PRKAR1B: variants seen among roughly 807,000 people sequenced by gnomAD.
PRKAR1B encodes cAMP-dependent protein kinase type I-beta regulatory subunit.
Under a neutral mutation model 46.5 loss-of-function variants are expected in PRKAR1B, and 22 were observed. The observed-to-expected ratio is 0.47, with a 90% CI of 0.34 to 0.68. The LOEUF (loss-of-function observed/expected upper bound fraction) is 0.68, where lower values mean the gene tolerates loss of function less well. PRKAR1B is among the 30% of genes least tolerant of loss of function. The pLI is 0.01. For synonymous variants in PRKAR1B, 259 were observed against 217.7 expected (o/e 1.19, Z -1.67); for missense variants, 445 against 535.6 (o/e 0.83, Z 1.67).
In PRKAR1B at chr7:572,908, G is replaced by A. The variant is rs914591772; in HGVS notation, c.891+6348C>T. 3.9e-5 allele frequency among the ~76,000 whole-genome samples: 6 copies of A among 152,242 alleles called. No individual in the cohort carries two copies. The South Asian group carries it at 6.2e-4, about 16-fold the overall frequency. ...CAGTGAGCAGACAGGGCAGGACGCC[G>A]GCCCCAGGGAGAGCGAGGGACCGGC... On this transcript the variant is annotated intron_variant, in intron 9 of 10. Coordinates refer to ENST00000537384, the MANE Select transcript of PRKAR1B (RefSeq NM_001164760.2).
chr7:614,904 T>C (rs1237370435), intron 4 of PRKAR1B, among the ~76,000 whole-genome samples: 1 of 150,034 alleles, frequency 6.7e-6, no homozygotes, highest in Non-Finnish European at 1.5e-5. Context: ...AGAGCAAGAC[T>C]TTGTCTCAAA....
chr7:648,166 T>C (rs894172995), intron 4 of PRKAR1B, among the ~76,000 whole-genome samples: 7 of 151,290 alleles, frequency 4.6e-5, no homozygotes, highest in Admixed American at 4.6e-4. Context: ...AAAAAAAAAA[T>C]CTTAAACTAC....
chr7:604,296 G>A (rs1158950877), intron 6 of PRKAR1B, among the ~76,000 whole-genome samples: 6 of 152,182 alleles, frequency 3.9e-5, no homozygotes, highest in Non-Finnish European at 7.4e-5. Context: ...ATGACTCTGC[G>A]GCCTGGCAGC....
chr7:579,149 G>A (rs1206708943), intron 9 of PRKAR1B, 107 bp downstream of exon 9: 2 of 1,596,902 alleles, frequency 1.3e-6, no homozygotes, highest in Non-Finnish European at 1.7e-6. Flanking sequence ...TCACAGGGCA[G>A]CACTGACTCC....
intron 2 of PRKAR1B, among the ~76,000 whole-genome samples, chr7:706,091 C>T (rs575136697): frequency 2.0e-3 from 304 of 152,208 alleles, no homozygotes; most frequent in African/African-American, 7.0e-3. Flanking sequence ...TTTGGGAAGC[C>T]GAGTGGGGAG....
At chr7:555,440 A>G (rs1778370386) in intron 9 of PRKAR1B, among the ~76,000 whole-genome samples, 1 of 152,180 alleles carries the variant, frequency 6.6e-6, no homozygotes, top group Admixed American at 6.5e-5. Flanking sequence ...CAGCATAATT[A>G]CCACACGGAT....
At chr7:598,453 A>C in intron 6 of PRKAR1B, among the ~76,000 whole-genome samples, 2 of 68,668 alleles carry the variant, frequency 2.9e-5, no homozygotes, top group African/African-American at 5.1e-5. Context: ...CTCCACACTA[A>C]ATACCATCAC....
At chr7:640,067 G>A (rs1038168474) in intron 4 of PRKAR1B, among the ~76,000 whole-genome samples, 3 of 150,852 alleles carry the variant, frequency 2.0e-5, no homozygotes, top group Non-Finnish European at 4.4e-5. Flanking sequence ...GGAGGCTGAG[G>A]AAGGAGAATC....
intron 9 of PRKAR1B, among the ~76,000 whole-genome samples, chr7:554,905 G>T (rs1036611636): frequency 4.6e-5 from 7 of 152,202 alleles, no homozygotes; most frequent in Non-Finnish European, 7.3e-5. Flanking sequence ...TGGCTCGGAG[G>T]TGGCAGGGAC....
chr7:628,765 C>A (rs1783557453), intron 4 of PRKAR1B, among the ~76,000 whole-genome samples: 2 of 152,054 alleles, frequency 1.3e-5, no homozygotes, highest in Non-Finnish European at 2.9e-5. Flanking sequence ...CATTTCACCC[C>A]CCTGACCATC....
intron 2 of PRKAR1B, among the ~76,000 whole-genome samples, chr7:699,826 G>A (rs529542158): frequency 6.6e-6 from 1 of 152,284 alleles, no homozygotes; most frequent in African/African-American, 2.4e-5. Flanking sequence ...GAGAGCACTG[G>A]AAAGGTTTGG....
intron 1 of PRKAR1B, chr7:712,407 C>T (rs1364663264): frequency 2.0e-5 from 3 of 149,788 alleles, no homozygotes; most frequent in Non-Finnish European, 4.5e-5. Context: ...AGCCCGGCCC[C>T]GCGTACCTGG....
chr7:659,961 C>A (rs28638010), intron 4 of PRKAR1B, among the ~76,000 whole-genome samples: 3 of 151,870 alleles, frequency 2.0e-5, no homozygotes, highest in Non-Finnish European at 4.4e-5. Flanking sequence ...TAGATCTCCC[C>A]AGTGAGCAGA....
intron 9 of PRKAR1B, among the ~76,000 whole-genome samples, chr7:574,623 T>C (rs1444523590): frequency 6.6e-6 from 1 of 152,152 alleles, no homozygotes; most frequent in Non-Finnish European, 1.5e-5. Context: ...TTTGTATTTT[T>C]AGTAGAGATG....
At chr7:629,236 C>T (rs1286408027) in intron 4 of PRKAR1B, among the ~76,000 whole-genome samples, 1 of 152,264 alleles carries the variant, frequency 6.6e-6, no homozygotes, top group African/African-American at 2.4e-5. Context: ...ACCCTGGCTC[C>T]AAGCGCGAGG....
intron 9 of PRKAR1B, chr7:578,922 T>C (rs982042751): frequency 3.4e-5 from 27 of 798,570 alleles, no homozygotes; most frequent in Non-Finnish European, 4.3e-5. Flanking sequence ...CCTCAGGTGA[T>C]CCACCCGCCT....
intron 9 of PRKAR1B, among the ~76,000 whole-genome samples, chr7:567,881 G>C (rs762096080): frequency 1.3e-4 from 20 of 152,246 alleles, no homozygotes; most frequent in African/African-American, 4.3e-4. Flanking sequence ...GCTGGGAGAG[G>C]GGGGTGGGGA....
chr7:574,003 C>T (rs1160997322), intron 9 of PRKAR1B, among the ~76,000 whole-genome samples: 3 of 152,242 alleles, frequency 2.0e-5, no homozygotes, highest in Admixed American at 6.5e-5. Context: ...ACTCAGAACA[C>T]GCCGCGCGAC....
intron 4 of PRKAR1B, among the ~76,000 whole-genome samples, chr7:647,704 G>T (rs796112561): frequency 6.6e-6 from 1 of 151,090 alleles, no homozygotes; most frequent in Non-Finnish European, 1.5e-5. Context: ...TACTCAGGAG[G>T]CTGAGGCAGG....
Sources: gnomAD v4.1 joint callset for allele counts (sites outside exome capture counted in the v4.1 genomes callset) on GRCh38, gnomAD v4.1.1 for gene constraint, MANE v1.5 for transcripts, NCBI Gene and HGNC (gene_info 2026-07-23, HGNC 2026-07-21) for gene names.